PDE4D: variants seen among roughly 807,000 people sequenced by gnomAD.
PDE4D encodes the protein 3',5'-cyclic-AMP phosphodiesterase 4D.
Under a neutral mutation model 87.4 loss-of-function variants are expected in PDE4D, and 24 were observed. The observed-to-expected ratio is 0.27, with a 90% CI of 0.20 to 0.39. The LOEUF is 0.39. PDE4D is among the 10% of genes least tolerant of loss of function. The probability of loss-of-function intolerance (pLI) is 1.00; values close to 1 mark genes in which losing one functional copy is unlikely to be tolerated. For missense variants in PDE4D, 714 were observed against 1,041.0 expected (o/e 0.69, Z 4.32); for synonymous variants, 384 against 383.2 (o/e 1.00, Z -0.02).
At chr5:58,992,892 A>C (rs1009037117) in intron 7 of PDE4D, among the ~76,000 whole-genome samples, 1 of 152,154 alleles carries the variant, frequency 6.6e-6, no homozygotes, top group Non-Finnish European at 1.5e-5. Context: ...GTCCCAGGAC[A>C]CCAAACTCAG....
intron 3 of PDE4D, among the ~76,000 whole-genome samples, chr5:59,906,572 A>C (rs900768149): frequency 1.3e-5 from 2 of 152,218 alleles, no homozygotes; most frequent in Non-Finnish European, 2.9e-5. Context: ...TGAGTATGAC[A>C]GAGACTGTAT....
intron 1 of PDE4D, among the ~76,000 whole-genome samples, chr5:60,269,347 G>A (rs1750580212): frequency 6.6e-6 from 1 of 152,150 alleles, no homozygotes; most frequent in African/African-American, 2.4e-5. Flanking sequence ...CTTGTATTTT[G>A]TATTTATATG....
chr5:59,250,844 T>C (rs1759795122), intron 1 of PDE4D, among the ~76,000 whole-genome samples: 1 of 152,108 alleles, frequency 6.6e-6, no homozygotes, highest in Non-Finnish European at 1.5e-5. Context: ...GATAGACCAA[T>C]GGATCAGAAT....
chr5:59,340,179 A>G (rs1778466743), intron 1 of PDE4D, among the ~76,000 whole-genome samples: 1 of 152,166 alleles, frequency 6.6e-6, no homozygotes, highest in Non-Finnish European at 1.5e-5. Flanking sequence ...ACTTGCTCAT[A>G]AAATTTGATC....
intron 1 of PDE4D, among the ~76,000 whole-genome samples, chr5:60,285,235 G>T (rs1373566193): frequency 6.6e-6 from 1 of 152,026 alleles, no homozygotes; most frequent in African/African-American, 2.4e-5. Flanking sequence ...GTCATTAACA[G>T]ATTTTGGATT....
rs1051841434 is a variant in PDE4D, at chr5:59,073,322, A to G, written c.809-34351T>C. Among the ~76,000 whole-genome samples, 28 of 152,158 alleles carry G rather than the reference A, an allele frequency of 1.8e-4. 1 individual carries two copies. The highest frequency in any genetic ancestry group is 3.5e-4 in the Non-Finnish European group (24 of 68,022). On this transcript the variant is annotated intron_variant, in intron 5 of 14. Coordinates refer to ENST00000340635, the MANE Select transcript of PDE4D (RefSeq NM_001104631.2). The stretch of plus-strand genomic sequence containing the variant: ...CAGGAAGGGTTCAGATCTAAAGAGC[A>G]GACATTTGAGGTGGTTCTTGAAATA...
intron 3 of PDE4D, among the ~76,000 whole-genome samples, chr5:59,955,788 C>T (rs1227492631): frequency 1.3e-5 from 2 of 152,066 alleles, no homozygotes; most frequent in African/African-American, 4.8e-5. Flanking sequence ...TCCCTCCTGC[C>T]CTTCGGTCTT....
chr5:59,047,700 A>T (rs1459423023), intron 5 of PDE4D, among the ~76,000 whole-genome samples: 1 of 152,222 alleles, frequency 6.6e-6, no homozygotes, highest in East Asian at 1.9e-4. Flanking sequence ...ATTGTTATGG[A>T]CTGAATGTTT....
intron 5 of PDE4D, among the ~76,000 whole-genome samples, chr5:59,130,315 G>A (rs899620030): frequency 6.6e-6 from 1 of 152,178 alleles, no homozygotes; most frequent in African/African-American, 2.4e-5. Flanking sequence ...TGTACACTGA[G>A]ATAAGACGCC....
At chr5:60,025,679 C>T (rs1375058590) in intron 2 of PDE4D, among the ~76,000 whole-genome samples, 2 of 151,900 alleles carry the variant, frequency 1.3e-5, no homozygotes, top group East Asian at 3.9e-4. Context: ...ATAAATAGTA[C>T]TCATGGTTAG....
intron 1 of PDE4D, among the ~76,000 whole-genome samples, chr5:59,456,488 G>A (rs1799953570): frequency 6.6e-6 from 1 of 152,010 alleles, no homozygotes; most frequent in Non-Finnish European, 1.5e-5. Flanking sequence ...CCAGTCTCGG[G>A]TATTTCTTTA....
chr5:59,189,635 G>GC lies in PDE4D; in HGVS notation c.684+3864dup, dbSNP rs1193160050. The stretch of plus-strand genomic sequence containing the variant: ...TTTATCAGCATTGTGCCTCCTTAGT[G>GC]CTCCTTGGCCCCCAAGAACTCTGGC... On this transcript the variant is annotated intron_variant, in intron 3 of 14. Coordinates refer to ENST00000340635, the MANE Select transcript of PDE4D (RefSeq NM_001104631.2). 6.6e-5 allele frequency among the ~76,000 whole-genome samples: 10 copies of GC among 152,198 alleles called. No homozygotes were observed. The East Asian group carries it at 1.9e-3, about 29-fold the overall frequency.
intron 1 of PDE4D, among the ~76,000 whole-genome samples, chr5:59,328,981 T>G (rs1776218822): frequency 6.6e-6 from 1 of 152,200 alleles, no homozygotes; most frequent in African/African-American, 2.4e-5. Flanking sequence ...GCCCCTTTGT[T>G]GTGGTGGGCA....
chr5:59,377,432 A>T (rs556974365), intron 1 of PDE4D, among the ~76,000 whole-genome samples: 35 of 150,124 alleles, frequency 2.3e-4, no homozygotes, highest in South Asian at 1.9e-3. Context: ...AAAAAAAAAA[A>T]ATATGTCATG....
At chr5:59,008,366 C>T (rs1218625218) in intron 6 of PDE4D, among the ~76,000 whole-genome samples, 2 of 151,870 alleles carry the variant, frequency 1.3e-5, no homozygotes, top group East Asian at 1.9e-4. Flanking sequence ...TATCTGTCTC[C>T]TAAAGTAATA....
intron 1 of PDE4D, among the ~76,000 whole-genome samples, chr5:59,521,207 G>A (rs1290083995): frequency 2.6e-5 from 4 of 152,156 alleles, no homozygotes; most frequent in African/African-American, 9.6e-5. Flanking sequence ...GAGAATGGGG[G>A]AAGAGGAATT....
chr5:59,034,458 T>C (rs1470605976), intron 6 of PDE4D, among the ~76,000 whole-genome samples: 1 of 152,216 alleles, frequency 6.6e-6, no homozygotes. Flanking sequence ...TTGCATAATG[T>C]GGAAATATCT....
At chr5:59,762,920 G>A (rs1163749725) in intron 1 of PDE4D, among the ~76,000 whole-genome samples, 3 of 126,010 alleles carry the variant, frequency 2.4e-5, no homozygotes, top group Non-Finnish European at 4.9e-5. Context: ...TTTATAGTAT[G>A]GCATATTATG....
chr5:60,059,019 T>G (rs149797202), intron 2 of PDE4D, among the ~76,000 whole-genome samples: 74 of 142,614 alleles, frequency 5.2e-4, no homozygotes, highest in African/African-American at 1.6e-3. Context: ...AAGTTCTATC[T>G]ATCTTTTTTG....
Sources: allele counts gnomAD v4.1 joint callset (sites outside exome capture counted in the v4.1 genomes callset), GRCh38; gene constraint gnomAD v4.1.1; transcripts MANE v1.5; gene names NCBI Gene and HGNC (gene_info 2026-07-23, HGNC 2026-07-21).